Variants in UBL3 observed in about 807,000 individuals in gnomAD.
UBL3 encodes the protein ubiquitin-like protein 3.
UBL3 carries 6 observed loss-of-function variants against 18.4 expected under a neutral mutation model. That is an observed-to-expected ratio of 0.33 (90% confidence interval 0.18 to 0.64). The LOEUF is 0.64. Ranked by LOEUF, UBL3 falls within the 30% of genes least tolerant of loss-of-function variation. UBL3 has a pLI of 0.76. For missense variants in UBL3, 109 were observed against 142.9 expected, an observed-to-expected ratio of 0.76 and a Z score of 1.21; for synonymous variants, 49 against 46.6, an observed-to-expected ratio of 1.05 and a Z score of -0.21.
intron 1 of UBL3, among the ~76,000 whole-genome samples, chr13:29,781,811 C>T (rs556793593): frequency 7.0e-6 from 1 of 142,612 alleles, no homozygotes; most frequent in Non-Finnish European, 1.5e-5. Context: ...AATTGCGACC[C>T]TGTCTCTACA....
At position 29,790,263 on chromosome 13, in the gene UBL3, T is replaced by C. The variant is rs1206105438; in HGVS notation, c.28-13000A>G. ...TTCAATAATGACCAATTCATTCTTA[T>C]CAGTCACACTTTAGACTTGAATAGA... On this transcript the variant is annotated intron_variant, in intron 1 of 4. Coordinates refer to ENST00000380680, the MANE Select transcript of UBL3 (RefSeq NM_007106.4). Among the ~76,000 whole-genome samples, 3 of 152,342 alleles carry C rather than the reference T, an allele frequency of 2.0e-5. 1 individual carries two copies. The highest frequency in any genetic ancestry group is 4.8e-5 in the African/African-American group (2 of 41,578).
chr13:29,794,790 T>G (rs1877567599), intron 1 of UBL3, among the ~76,000 whole-genome samples: 1 of 152,192 alleles, frequency 6.6e-6, no homozygotes, highest in Non-Finnish European at 1.5e-5. Context: ...CAGGCACTTA[T>G]CATATCAATG....
chr13:29,780,764 T>C (rs933180957), intron 1 of UBL3, among the ~76,000 whole-genome samples: 10 of 152,214 alleles, frequency 6.6e-5, no homozygotes, highest in African/African-American at 2.4e-4. Context: ...TACTTTGTTT[T>C]CCTGTCATTC....
intron 1 of UBL3, among the ~76,000 whole-genome samples, chr13:29,825,594 G>A (rs1471965921): frequency 6.6e-6 from 1 of 152,230 alleles, no homozygotes; most frequent in Non-Finnish European, 1.5e-5. Flanking sequence ...AGCTTAAGGA[G>A]ATTTTGGGCT....
chr13:29,789,195 G>A (rs543709257), intron 1 of UBL3, among the ~76,000 whole-genome samples: 142 of 152,220 alleles, frequency 9.3e-4, no homozygotes, highest in African/African-American at 3.0e-3. Flanking sequence ...CACCACGCCC[G>A]GCGGGAATTA....
At position 29,792,529 on chromosome 13, in the gene UBL3, A is replaced by C. The variant is rs902048299; in HGVS notation, c.28-15266T>G. Reference sequence around the variant, plus strand: ...AATACAGTCTGTCTGTCTATGAAGAAAACGATTGTTTCACACTGCCTCTGC... The same window carrying C: ...AATACAGTCTGTCTGTCTATGAAGACAACGATTGTTTCACACTGCCTCTGC... On this transcript the variant is annotated intron_variant, in intron 1 of 4. Transcript: ENST00000380680. Among the ~76,000 whole-genome samples the C allele has an allele frequency of 3.3e-5, 5 of 152,240 alleles. No individual in the cohort carries two copies. The East Asian group carries it at 9.6e-4, about 29-fold the overall frequency.
At chr13:29,802,439 G>A (rs560071037) in intron 1 of UBL3, among the ~76,000 whole-genome samples, 3 of 152,160 alleles carry the variant, frequency 2.0e-5, no homozygotes, top group Non-Finnish European at 2.9e-5. Flanking sequence ...AAATGACCAC[G>A]CTAGTTCCCA....
At chr13:29,801,050 G>A (rs1178878440) in intron 1 of UBL3, among the ~76,000 whole-genome samples, 2 of 152,176 alleles carry the variant, frequency 1.3e-5, no homozygotes, top group African/African-American at 2.4e-5. Flanking sequence ...ACCAGTGGGT[G>A]GCAGCTCTGC....
chr13:29,831,624 G>T (rs1878775080), intron 1 of UBL3, among the ~76,000 whole-genome samples: 1 of 148,402 alleles, frequency 6.7e-6, no homozygotes, highest in Admixed American at 6.7e-5. Flanking sequence ...AATTCTACAA[G>T]CTTGATTATA....
At chr13:29,790,878 C>G (rs1462645332) in intron 1 of UBL3, among the ~76,000 whole-genome samples, 1 of 152,092 alleles carries the variant, frequency 6.6e-6, no homozygotes, top group Non-Finnish European at 1.5e-5. Flanking sequence ...AAGGTTCCCT[C>G]ATCAGTCTCT....
intron 1 of UBL3, among the ~76,000 whole-genome samples, 198 bp downstream of exon 1, chr13:29,849,314 C>A (rs1310791814): frequency 6.6e-6 from 1 of 152,168 alleles, no homozygotes; most frequent in Non-Finnish European, 1.5e-5. Context: ...TTAGAAAACA[C>A]GACCAAATGA....
rs1316552641 is a variant in UBL3, at chr13:29,780,388, A to ATGTG, written c.28-3126_28-3125insCACA. Among the ~76,000 whole-genome samples the ATGTG allele has an allele frequency of 1.0e-2, 947 of 94,868 alleles. 6 individuals carry two copies. The highest frequency in any genetic ancestry group is 0.04 in the East Asian group (127 of 3,182). 62.2% of individuals were successfully genotyped at this position (94,868 alleles called of 152,430 possible). A position where few individuals can be genotyped will look rare whatever the true frequency, so the allele number is the denominator to read the frequency against. ...AAAAAATATATATATATATATATAT[A>ATGTG]TATGTGTGTGTGTGTGTGTATATAT... is the stretch of plus-strand genomic sequence containing the variant. On this transcript the variant is annotated intron_variant, in intron 1 of 4. Coordinates refer to ENST00000380680, the MANE Select transcript of UBL3 (RefSeq NM_007106.4).
intron 1 of UBL3, among the ~76,000 whole-genome samples, chr13:29,797,864 ATT>A (rs1006797087): frequency 6.6e-6 from 1 of 152,132 alleles, no homozygotes; most frequent in African/African-American, 2.4e-5. Context: ...ATCCATGAGG[ATT>A]ACTTAAATAT....
chr13:29,781,502 T>A (rs1384120375), intron 1 of UBL3, among the ~76,000 whole-genome samples: 1 of 152,120 alleles, frequency 6.6e-6, no homozygotes, highest in Admixed American at 6.5e-5. Context: ...AAGTACTGTA[T>A]CGGTATGGGC....
intron 1 of UBL3, among the ~76,000 whole-genome samples, chr13:29,822,665 G>A (rs966317839): frequency 3.3e-5 from 5 of 152,188 alleles, no homozygotes; most frequent in Non-Finnish European, 7.3e-5. Context: ...AGACTCACCA[G>A]TAGCTGGGAT....
chr13:29,787,840 T>C (rs1043158426), intron 1 of UBL3, among the ~76,000 whole-genome samples: 1 of 152,128 alleles, frequency 6.6e-6, no homozygotes, highest in Admixed American at 6.5e-5. Flanking sequence ...ATGCTGAAGA[T>C]ACTAAACTAA....
chr13:29,793,342 C>A (rs200972318), intron 1 of UBL3, among the ~76,000 whole-genome samples: 1 of 152,148 alleles, frequency 6.6e-6, no homozygotes, highest in Non-Finnish European at 1.5e-5. Context: ...GTTAGAGACA[C>A]AATTCAAGAA....
intron 1 of UBL3, among the ~76,000 whole-genome samples, chr13:29,787,827 C>G (rs537369168): frequency 6.6e-6 from 1 of 152,196 alleles, no homozygotes; most frequent in Admixed American, 6.5e-5. Flanking sequence ...TTCTGTCACC[C>G]AAATGCTGAA....
intron 1 of UBL3, among the ~76,000 whole-genome samples, chr13:29,849,134 C>T (rs1199419523): frequency 6.6e-6 from 1 of 152,196 alleles, no homozygotes; most frequent in African/African-American, 2.4e-5. Context: ...ATTCCCGTTT[C>T]CCTACCTATT....
Sources: gnomAD v4.1 joint callset for allele counts (sites outside exome capture counted in the v4.1 genomes callset) on GRCh38, gnomAD v4.1.1 for gene constraint, MANE v1.5 for transcripts, NCBI Gene and HGNC (gene_info 2026-07-23, HGNC 2026-07-21) for gene names.